NELL1: variants seen among roughly 807,000 people sequenced by gnomAD.
NELL1 encodes the protein neural EGFL like 1, also known as protein kinase C-binding protein NELL1.
In NELL1, 76 loss-of-function variants were observed where a neutral mutation model predicts 107.4. That is an observed-to-expected ratio of 0.71 (90% CI 0.59 to 0.86). The LOEUF (loss-of-function observed/expected upper bound fraction) is 0.86, where lower values mean the gene tolerates loss of function less well. Ranked by LOEUF, NELL1 falls within the 40% of genes least tolerant of loss-of-function variation. The pLI is 0.00. For synonymous variants in NELL1, 353 were observed against 341.2 expected (o/e 1.03, Z -0.38); for missense variants, 1,024 against 1,005.5 (o/e 1.02, Z -0.25).
intron 12 of NELL1, among the ~76,000 whole-genome samples, chr11:21,036,759 AACAC>A (rs1260280839): frequency 6.6e-6 from 1 of 151,336 alleles, no homozygotes; most frequent in East Asian, 1.9e-4. Flanking sequence ...CACACACACA[AACAC>A]ACACACTTCT....
At chr11:20,678,370 T>C (rs1326984107) in intron 2 of NELL1, among the ~76,000 whole-genome samples, 1 of 152,218 alleles carries the variant, frequency 6.6e-6, no homozygotes, top group Non-Finnish European at 1.5e-5. Flanking sequence ...GACATTTCTC[T>C]AGCTGTTATC....
intron 12 of NELL1, among the ~76,000 whole-genome samples, chr11:21,076,078 G>A (rs935770402): frequency 6.6e-6 from 1 of 152,172 alleles, no homozygotes; most frequent in Admixed American, 6.5e-5. Flanking sequence ...AGAGTCTGAG[G>A]GAAGTTTTAT....
intron 15 of NELL1, among the ~76,000 whole-genome samples, chr11:21,532,996 C>A (rs1856031593): frequency 6.6e-6 from 1 of 152,122 alleles, no homozygotes; most frequent in African/African-American, 2.4e-5. Context: ...TTATAATAAA[C>A]ACACACAGCC....
intron 3 of NELL1, among the ~76,000 whole-genome samples, chr11:20,793,667 G>A (rs947890499): frequency 6.6e-6 from 1 of 152,078 alleles, no homozygotes; most frequent in African/African-American, 2.4e-5. Flanking sequence ...TTGCTATATA[G>A]TGTTTTTATT....
intron 2 of NELL1, among the ~76,000 whole-genome samples, chr11:20,684,163 T>C (rs1854252298): frequency 6.6e-6 from 1 of 151,884 alleles, no homozygotes; most frequent in Non-Finnish European, 1.5e-5. Flanking sequence ...CCCAATACTT[T>C]GGGAGGTTTG....
chr11:21,065,528 G>T (rs1020817146), intron 12 of NELL1, among the ~76,000 whole-genome samples: 2 of 152,076 alleles, frequency 1.3e-5, no homozygotes, highest in African/African-American at 4.8e-5. Context: ...CATTGATTTT[G>T]TTTTTACCAC....
At chr11:21,263,308 C>A (rs1448070952) in intron 14 of NELL1, among the ~76,000 whole-genome samples, 1 of 151,930 alleles carries the variant, frequency 6.6e-6, no homozygotes, top group Non-Finnish European at 1.5e-5. Context: ...TAATCGAAAG[C>A]TCTGTGCAAC....
At chr11:21,385,520 CT>C (rs936052452) in intron 15 of NELL1, among the ~76,000 whole-genome samples, 3 of 151,630 alleles carry the variant, frequency 2.0e-5, no homozygotes, top group Non-Finnish European at 2.9e-5. Flanking sequence ...TACAGTGCAT[CT>C]TTTTTTTCCC....
intron 4 of NELL1, among the ~76,000 whole-genome samples, chr11:20,861,531 C>G (rs1401429217): frequency 6.6e-6 from 1 of 152,126 alleles, no homozygotes; most frequent in African/African-American, 2.4e-5. Context: ...GGGCAGGGAG[C>G]CAAGAGCCCC....
chr11:20,696,015 C>T (rs953928052), intron 2 of NELL1, among the ~76,000 whole-genome samples: 7 of 151,878 alleles, frequency 4.6e-5, no homozygotes, highest in Admixed American at 6.6e-5. Flanking sequence ...TGAGAAGTTA[C>T]GTGTTTCCAG....
At chr11:21,343,826 C>T (rs1850627373) in intron 14 of NELL1, among the ~76,000 whole-genome samples, 1 of 152,048 alleles carries the variant, frequency 6.6e-6, no homozygotes. Context: ...GATGGGGATC[C>T]TCTTATCTTT....
At chr11:21,146,107 A>G (rs1243423655) in intron 13 of NELL1, among the ~76,000 whole-genome samples, 2 of 152,228 alleles carry the variant, frequency 1.3e-5, no homozygotes, top group African/African-American at 4.8e-5. Context: ...AATATTTATC[A>G]TCAAAGGCTG....
At chr11:20,706,526 G>A (rs1415709732) in intron 2 of NELL1, among the ~76,000 whole-genome samples, 1 of 143,876 alleles carries the variant, frequency 7.0e-6, no homozygotes, top group Non-Finnish European at 1.5e-5. Flanking sequence ...TGTGGGGTTG[G>A]GGGGGAGGGG....
intron 13 of NELL1, among the ~76,000 whole-genome samples, chr11:21,132,066 A>G (rs1855631067): frequency 6.6e-6 from 1 of 152,092 alleles, no homozygotes; most frequent in Non-Finnish European, 1.5e-5. Flanking sequence ...CCCCTCTGGC[A>G]TTGACTATGC....
chr11:21,258,969 A>C (rs1858838913), intron 14 of NELL1, among the ~76,000 whole-genome samples: 1 of 151,920 alleles, frequency 6.6e-6, no homozygotes, highest in African/African-American at 2.4e-5. Context: ...CAGTATAGTC[A>C]CAGGGTCAAA....
At chr11:20,773,354 A>G (rs1856677071) in intron 2 of NELL1, among the ~76,000 whole-genome samples, 1 of 152,158 alleles carries the variant, frequency 6.6e-6, no homozygotes, top group Non-Finnish European at 1.5e-5. Context: ...AGAGTTTAAC[A>G]TGTACTTATT....
chr11:21,307,115 A>G (rs1348083231), intron 14 of NELL1, among the ~76,000 whole-genome samples: 1 of 151,986 alleles, frequency 6.6e-6, no homozygotes, highest in Admixed American at 6.6e-5. Context: ...GTCCTGCATT[A>G]TTGCTGTGCT....
intron 15 of NELL1, among the ~76,000 whole-genome samples, chr11:21,491,653 T>A (rs546315735): frequency 3.9e-5 from 6 of 152,164 alleles, no homozygotes; most frequent in South Asian, 2.1e-4. Context: ...CTTTGTTCTT[T>A]TGGCTTAGGA....
rs76609379 is a variant in NELL1, at chr11:21,438,767, A to C, written c.1645+67819A>C. Among the ~76,000 whole-genome samples, 2,955 of 151,648 alleles carry C rather than the reference A, an allele frequency of 0.019. 248 individuals carry two copies. The East Asian group carries it at 0.27, about 14-fold the overall frequency. ...GGCTGTCAATTGTATTTTTATTTTC[A>C]GACATTGAATTTTACAGTTCTGGGA... On this transcript the variant is annotated intron_variant, in intron 15 of 19. Coordinates refer to ENST00000357134, the MANE Select transcript of NELL1 (RefSeq NM_006157.5).
Sources: allele counts gnomAD v4.1 joint callset (sites outside exome capture counted in the v4.1 genomes callset), GRCh38; gene constraint gnomAD v4.1.1; transcripts MANE v1.5; gene names NCBI Gene and HGNC (gene_info 2026-07-23, HGNC 2026-07-21).